Variants in ZNF236 observed in about 807,000 individuals in gnomAD.
ZNF236 encodes regulated by glucose.
Under a neutral mutation model 191.2 loss-of-function variants are expected in ZNF236, and 50 were observed. The ratio of observed to expected loss-of-function variants is 0.26; its 90% CI spans 0.21 to 0.33. The LOEUF is 0.33. Ranked by LOEUF, ZNF236 falls within the 10% of genes least tolerant of loss-of-function variation. The pLI, the probability that ZNF236 is intolerant of heterozygous loss-of-function variation, is 1.00. For missense variants in ZNF236, 1,754 were observed against 2,374.5 expected (o/e 0.74, Z 5.43); for synonymous variants, 907 against 928.8 (o/e 0.98, Z 0.43).
intron 1 of ZNF236, among the ~76,000 whole-genome samples, chr18:76,842,624 G>A (rs1975544579): frequency 6.6e-6 from 1 of 152,048 alleles, no homozygotes; most frequent in Non-Finnish European, 1.5e-5. Context: ...GGTGGCGCAT[G>A]CCTGTAATCC....
chr18:76,871,568 A>ATATG, intron 4 of ZNF236, 133 bp from the exon 5 acceptor site: 1 of 891,134 alleles, frequency 1.1e-6, no homozygotes, highest in Non-Finnish European at 1.8e-6. Context: ...ACACATACAT[A>ATATG]TATGTGATTG....
At chr18:76,866,737 G>A (rs1976420128) in intron 3 of ZNF236, among the ~76,000 whole-genome samples, 1 of 152,196 alleles carries the variant, frequency 6.6e-6, no homozygotes, top group South Asian at 2.1e-4. Context: ...GTAAGTGGAA[G>A]GCCCGTTGTC....
chr18:76,824,788 C>T (rs1195869555), intron 1 of ZNF236, among the ~76,000 whole-genome samples: 3 of 152,158 alleles, frequency 2.0e-5, no homozygotes, highest in Non-Finnish European at 4.4e-5. Context: ...GCAGCTTCTA[C>T]CTCGGGAATG....
chr18:76,849,671 A>G lies in ZNF236; in HGVS notation c.198+3A>G. The G allele has an allele frequency of 6.4e-6, 10 of 1,557,964 alleles. No homozygotes were observed. The highest frequency in any genetic ancestry group is 8.7e-6 in the Non-Finnish European group (10 of 1,155,560). On this transcript the variant is annotated splice_donor_region_variant and intron_variant, in intron 2 of 30. Coordinates refer to ENST00000320610, the MANE Select transcript of ZNF236 (RefSeq NM_001306089.2). ...GGGATCACGAGCGAAATGACAAGGT[A>G]TGTATTTTCAAAGGTGATGTCAGGA...
intron 1 of ZNF236, chr18:76,834,976 C>CTT: frequency 7.2e-6 from 1 of 139,346 alleles, no homozygotes; most frequent in South Asian, 1.9e-4. Flanking sequence ...ATTTTATTTT[C>CTT]TGTTTTTTTT....
chr18:76,959,808 T>A lies in ZNF236; in HGVS notation c.5234T>A (p.Ile1745Lys). Residue 1745 changes from isoleucine (I) to lysine (K), a missense_variant, in exon 29 of 31, where the codon ATA becomes AAA. This residue lies in a region of ZNF236 where 606 missense variants were observed against 761.5 expected (regional missense o/e 0.80). Coordinates refer to ENST00000320610, the MANE Select transcript of ZNF236 (RefSeq NM_001306089.2). The part of the protein sequence containing the change: ...KPSQLERHSR[I>K]HTGERPFHCT... ...AGCCAGCTGGAGCGCCACAGCCGCATACATACAGGTAACGGGGAAGGACGT... is the reference window on the plus strand; with the variant it reads ...AGCCAGCTGGAGCGCCACAGCCGCAAACATACAGGTAACGGGGAAGGACGT... 1.9e-6 allele frequency: 3 copies of A among 1,613,936 alleles called. No individual in the cohort carries two copies. Among genetic ancestry groups the A allele is most frequent in the Non-Finnish European group, 2.5e-6 (3 of 1,179,934 alleles).
chr18:76,899,091 C>T lies in ZNF236; in HGVS notation c.1763C>T (p.Ala588Val). 1.2e-6 allele frequency: 2 copies of T among 1,614,158 alleles called. No individual in the cohort carries two copies. The highest frequency in any genetic ancestry group is 1.1e-5 in the South Asian group (1 of 91,076). Residue 588 changes from alanine to valine, a missense_variant, in exon 11 of 31, where the codon GCT becomes GTT. Coordinates refer to ENST00000320610, the MANE Select transcript of ZNF236 (RefSeq NM_001306089.2). The part of the protein sequence containing the change: ...RTSGHRKTHI[A>V]SHFKHTELRK... The stretch of plus-strand genomic sequence containing the variant: ...TCAGGCCATAGGAAGACTCACATTG[C>T]TTCCCACTTTAAACATACGGAATTA...
chr18:76,864,044 T>G (rs898338032), intron 3 of ZNF236, among the ~76,000 whole-genome samples: 1 of 152,182 alleles, frequency 6.6e-6, no homozygotes, highest in African/African-American at 2.4e-5. Flanking sequence ...ATGAAAAGAC[T>G]GACTTCCCCA....
At chr18:76,888,454 A>C (rs1599366729) in intron 9 of ZNF236, 1 of 152,360 alleles carries the variant, frequency 6.6e-6, no homozygotes, top group East Asian at 1.9e-4. Flanking sequence ...TTTCACGTGA[A>C]GGTCTCCTGT....
Position 76,968,548 on chromosome 18 carries a change from A to G in ZNF236, c.*209A>G. On this transcript the variant is annotated 3_prime_UTR_variant, in exon 31 of 31. Transcript: ENST00000320610. ...GTCACCGCATTGTTCTCTTTTGTCT[A>G]CAAATCACTGAACTCAGGTACTACT... 2.2e-6 allele frequency: 3 copies of G among 1,335,026 alleles called. No homozygotes were observed. The highest frequency in any genetic ancestry group is 3.5e-5 in the South Asian group (2 of 56,530). 82.7% of individuals were successfully genotyped at this position (1,335,026 alleles called of 1,614,324 possible). A position where few individuals can be genotyped will look rare whatever the true frequency, so the allele number is the denominator to read the frequency against.
chr18:76,852,583 T>G (rs1383169076), intron 3 of ZNF236, among the ~76,000 whole-genome samples: 2 of 151,766 alleles, frequency 1.3e-5, no homozygotes. Context: ...GAAAATTGCT[T>G]GAGGCCAGGA....
rs555328326 is a variant in ZNF236 at position 76,937,486 on chromosome 18, C to T, written c.4782+143C>T. ...GCATTTTTTTTCTGATTAAAAAATA[C>T]GGTAAATATAAAAGGGGATAAAAAT... On this transcript the variant is annotated intron_variant, in intron 26 of 30. Coordinates refer to ENST00000320610, the MANE Select transcript of ZNF236 (RefSeq NM_001306089.2). 105 of 743,160 alleles carry T rather than the reference C, an allele frequency of 1.4e-4. 1 individual carries two copies. The African/African-American group carries it at 1.5e-3, about 11-fold the overall frequency. 46.0% of individuals were successfully genotyped at this position (743,160 alleles called of 1,614,324 possible).
Position 76,833,312 on chromosome 18 carries a change from C to T in ZNF236, c.55+10650C>T, listed in dbSNP as rs905641208. On this transcript the variant is annotated intron_variant, in intron 1 of 30. Coordinates refer to ENST00000320610, the MANE Select transcript of ZNF236 (RefSeq NM_001306089.2). ...TGCAGGAGGAAAATTATATTATTAA[C>T]TAGGGTGCTTGTTGTGGGTTTCTTT... 2.6e-5 allele frequency among the ~76,000 whole-genome samples: 4 copies of T among 152,190 alleles called. No homozygotes were observed. In the South Asian group the frequency reaches 8.3e-4, roughly 32 times the overall value.
intron 3 of ZNF236, among the ~76,000 whole-genome samples, chr18:76,855,294 G>C (rs1976010726): frequency 6.6e-6 from 1 of 152,134 alleles, no homozygotes; most frequent in Admixed American, 6.6e-5. Flanking sequence ...TAAATCCTAG[G>C]TGCACACGGT....
At chr18:76,874,438 C>A (rs941865970) in intron 5 of ZNF236, among the ~76,000 whole-genome samples, 1 of 152,014 alleles carries the variant, frequency 6.6e-6, no homozygotes, top group East Asian at 1.9e-4. Context: ...TTCATCAGAT[C>A]CGTACTGCAT....
At chr18:76,838,752 A>G (rs1253313152) in intron 1 of ZNF236, among the ~76,000 whole-genome samples, 1 of 152,200 alleles carries the variant, frequency 6.6e-6, no homozygotes, top group Non-Finnish European at 1.5e-5. Context: ...TATATAACAC[A>G]CAGAGAAGAA....
rs766956604 is a variant in ZNF236 at position 76,849,511 on chromosome 18, T to TA, written c.56-14dup. The TA allele has an allele frequency of 1.1e-5, 17 of 1,596,296 alleles. No homozygotes were observed. The East Asian group carries it at 1.6e-4, about 15-fold the overall frequency. On this transcript the variant is annotated splice_polypyrimidine_tract_variant and intron_variant, in intron 1 of 30. Coordinates refer to ENST00000320610, the MANE Select transcript of ZNF236 (RefSeq NM_001306089.2). ...ACAACTGGTATTTATTGTCTATACT[T>TA]ATGCAATTTTATAGATGGAGTTTTA...
chr18:76,924,998 A>G (rs754533966), intron 21 of ZNF236, among the ~76,000 whole-genome samples, 191 bp from the exon 22 acceptor site: 3 of 152,194 alleles, frequency 2.0e-5, no homozygotes, highest in Non-Finnish European at 2.9e-5. Context: ...TAAACAATAC[A>G]CTGTTAAATT....
At chr18:76,843,243 G>T (rs953996255) in intron 1 of ZNF236, among the ~76,000 whole-genome samples, 1 of 152,046 alleles carries the variant, frequency 6.6e-6, no homozygotes, top group Non-Finnish European at 1.5e-5. Context: ...AACTGGTTTT[G>T]GGAGCTTCAG....
Sources: gnomAD v4.1 joint callset for allele counts (sites outside exome capture counted in the v4.1 genomes callset) on GRCh38, gnomAD v4.1.1 for gene constraint, gnomAD v4.1.1 regional missense constraint, MANE v1.5 for transcripts, NCBI Gene and HGNC (gene_info 2026-07-23, HGNC 2026-07-21) for gene names.